NAALADL2: variants seen among roughly 807,000 people sequenced by gnomAD.
The protein encoded by NAALADL2 is N-acetylated alpha-linked acidic dipeptidase like 2.
A neutral mutation model predicts 87.2 loss-of-function variants in NAALADL2; 76 were observed. The ratio of observed to expected loss-of-function variants is 0.87; its 90% CI spans 0.72 to 1.05. The LOEUF is 1.05. NAALADL2 is among the 50% of genes least tolerant of loss of function. The pLI, the probability that NAALADL2 is intolerant of heterozygous loss-of-function variation, is 0.00. For synonymous variants in NAALADL2, 354 were observed against 331.0 expected (o/e 1.07, Z -0.75); for missense variants, 1,089 against 945.8 (o/e 1.15, Z -1.99).
intron 1 of NAALADL2, among the ~76,000 whole-genome samples, chr3:174,984,439 G>A (rs1156241298): frequency 2.0e-5 from 3 of 151,710 alleles, no homozygotes; most frequent in Non-Finnish European, 2.9e-5. Flanking sequence ...TCAACACTAC[G>A]CAGTAGAGTA....
At chr3:175,493,644 G>A (rs79742572) in intron 9 of NAALADL2, among the ~76,000 whole-genome samples, 73 of 152,184 alleles carry the variant, frequency 4.8e-4, no homozygotes, top group African/African-American at 1.6e-3. Context: ...CTTAACTTTG[G>A]TCTGTGTAGC....
intron 1 of NAALADL2, among the ~76,000 whole-genome samples, chr3:175,019,838 A>G (rs1454084419): frequency 1.3e-5 from 2 of 152,104 alleles, no homozygotes; most frequent in African/African-American, 2.4e-5. Flanking sequence ...ATTTAGTTGC[A>G]TCCAAAAGTT....
chr3:175,053,684 A>G (rs1711510634), intron 1 of NAALADL2, among the ~76,000 whole-genome samples: 1 of 152,218 alleles, frequency 6.6e-6, no homozygotes, highest in Non-Finnish European at 1.5e-5. Context: ...ACATACATGT[A>G]ACATGTGTGA....
chr3:174,442,081 C>T (rs1228979550), intron 1 of NAALADL2, among the ~76,000 whole-genome samples: 1 of 151,918 alleles, frequency 6.6e-6, no homozygotes, highest in African/African-American at 2.4e-5. Context: ...GTATCCACTC[C>T]AGTGAGTTCG....
chr3:175,157,848 T>C (rs140712451), intron 2 of NAALADL2, among the ~76,000 whole-genome samples: 1 of 152,156 alleles, frequency 6.6e-6, no homozygotes, highest in Non-Finnish European at 1.5e-5. Flanking sequence ...CTCACAGGAC[T>C]GAAGTTGATC....
intron 10 of NAALADL2, among the ~76,000 whole-genome samples, chr3:175,579,343 T>G (rs375232163): frequency 3.3e-5 from 5 of 152,132 alleles, no homozygotes; most frequent in African/African-American, 1.2e-4. Flanking sequence ...AGGCCAATTT[T>G]TATGGACATG....
chr3:175,705,592 G>C (rs980285125), intron 11 of NAALADL2, among the ~76,000 whole-genome samples: 1 of 151,372 alleles, frequency 6.6e-6, no homozygotes, highest in Non-Finnish European at 1.5e-5. Flanking sequence ...TGTCTTCTGT[G>C]AGCTACAGAT....
intron 11 of NAALADL2, among the ~76,000 whole-genome samples, chr3:175,699,757 T>C (rs1738724642): frequency 6.6e-6 from 1 of 152,168 alleles, no homozygotes; most frequent in South Asian, 2.1e-4. Flanking sequence ...AAAGATATTT[T>C]TATATGCTAT....
intron 1 of NAALADL2, among the ~76,000 whole-genome samples, chr3:174,899,622 C>G (rs181356684): frequency 1.5e-3 from 227 of 152,252 alleles, no homozygotes; most frequent in Non-Finnish European, 2.4e-3. Flanking sequence ...ATACTAGCAT[C>G]GTGATTCCTG....
chr3:175,135,335 G>A (rs941895167), intron 2 of NAALADL2, among the ~76,000 whole-genome samples: 6 of 152,116 alleles, frequency 3.9e-5, no homozygotes, highest in African/African-American at 1.2e-4. Context: ...GAAGATGAAT[G>A]AGGGCATATA....
Position 174,663,498 on chromosome 3 carries a change from G to A in NAALADL2, c.-114-74143G>A, listed in dbSNP as rs112987853. ...CTTCTAGTCATGGCAGAAAGGGGAA[G>A]GGGAGATGGCTTGTCACAGGGTGAC... On this transcript the variant is annotated intron_variant, in intron 2 of 3. Transcript: ENST00000434257. 2.0e-3 allele frequency among the ~76,000 whole-genome samples: 301 copies of A among 152,230 alleles called. 3 individuals carry two copies. Among genetic ancestry groups the A allele is most frequent in the African/African-American group, 6.9e-3 (285 of 41,560 alleles).
chr3:174,968,677 A>G (rs1442994214), intron 1 of NAALADL2, among the ~76,000 whole-genome samples: 1 of 152,024 alleles, frequency 6.6e-6, no homozygotes, highest in Non-Finnish European at 1.5e-5. Context: ...ACGGGGTTTC[A>G]CCAAGTTGAC....
chr3:175,419,923 C>T (rs1025031439), intron 5 of NAALADL2, among the ~76,000 whole-genome samples: 1 of 151,762 alleles, frequency 6.6e-6, no homozygotes, highest in Non-Finnish European at 1.5e-5. Flanking sequence ...AGGTCCCAGA[C>T]CCAATTAGAC....
At chr3:175,666,774 G>T (rs1218715261) in intron 11 of NAALADL2, among the ~76,000 whole-genome samples, 13 of 152,012 alleles carry the variant, frequency 8.6e-5, no homozygotes, top group Non-Finnish European at 1.8e-4. Context: ...CACCTTAGTA[G>T]TGTAGATTAC....
intron 5 of NAALADL2, among the ~76,000 whole-genome samples, chr3:175,437,830 T>G (rs1308270934): frequency 6.6e-6 from 1 of 152,180 alleles, no homozygotes; most frequent in African/African-American, 2.4e-5. Flanking sequence ...AGTATCAGAA[T>G]GCATATTTTG....
chr3:175,171,521 T>C (rs913550990), intron 2 of NAALADL2, among the ~76,000 whole-genome samples: 1 of 152,082 alleles, frequency 6.6e-6, no homozygotes, highest in African/African-American at 2.4e-5. Flanking sequence ...TATATGAACA[T>C]TGGTAGTATG....
intron 2 of NAALADL2, among the ~76,000 whole-genome samples, chr3:175,203,995 C>T (rs1293034443): frequency 6.6e-6 from 1 of 152,140 alleles, no homozygotes; most frequent in Non-Finnish European, 1.5e-5. Flanking sequence ...GACAAATTGA[C>T]AGCAAAATTC....
chr3:174,951,816 C>A (rs1560404974), intron 1 of NAALADL2, among the ~76,000 whole-genome samples: 1 of 152,062 alleles, frequency 6.6e-6, no homozygotes, highest in South Asian at 2.1e-4. Context: ...GTTCTTACTG[C>A]CATAATTTCT....
intron 1 of NAALADL2, among the ~76,000 whole-genome samples, chr3:175,075,511 T>C (rs79700399): frequency 0.098 from 14,870 of 152,176 alleles, 840 homozygotes; most frequent in East Asian, 0.21. Flanking sequence ...AACAAAATAG[T>C]GATGCAATTT....
Sources: gnomAD v4.1 joint callset for allele counts (sites outside exome capture counted in the v4.1 genomes callset) on GRCh38, gnomAD v4.1.1 for gene constraint, MANE v1.5 for transcripts, NCBI Gene and HGNC (gene_info 2026-07-23, HGNC 2026-07-21) for gene names.